The following PHYHD1 variants were observed in gnomAD, a reference collection of about 807,000 sequenced individuals.
PHYHD1 encodes the protein phytanoyl-CoA dioxygenase domain containing 1.
In PHYHD1, 42 loss-of-function variants were observed where a neutral mutation model predicts 43.6. The ratio of observed to expected loss-of-function variants is 0.96; its 90% CI spans 0.75 to 1.25. PHYHD1 has a LOEUF of 1.25. Ranked by LOEUF, PHYHD1 falls within the 50% of genes most tolerant of loss-of-function variation. The pLI, the probability that PHYHD1 is intolerant of heterozygous loss-of-function variation, is 0.00. For synonymous variants in PHYHD1, 139 were observed against 143.6 expected, an observed-to-expected ratio of 0.97 and a Z score of 0.23; for missense variants, 342 against 370.8, an observed-to-expected ratio of 0.92 and a Z score of 0.64.
chr9:128,933,485 A>G (rs538466812), intron 4 of PHYHD1, among the ~76,000 whole-genome samples: 1 of 152,192 alleles, frequency 6.6e-6, no homozygotes, highest in South Asian at 2.1e-4. Flanking sequence ...TCTTGGTGAC[A>G]TAAAACCAGG....
Position 128,941,684 on chromosome 9 carries a change from G to A in PHYHD1, c.847G>A (p.Glu283Lys), listed in dbSNP as rs1348111569. Residue 283 changes from glutamate (E) to lysine (K), a missense_variant, in exon 13 of 13, where the codon GAA (glutamate) becomes AAA (lysine). Glu to Lys is a moderately conservative substitution (Grantham distance 56). Transcript: ENST00000372592. ...SPENWLQPTA[E>K]LPFPQLYT Reference sequence around the variant, plus strand: ...CCTCTGCAGGCTCCAGCCAACAGCTGAACTGCCCTTTCCCCAACTGTACAC... The same window carrying A: ...CCTCTGCAGGCTCCAGCCAACAGCTAAACTGCCCTTTCCCCAACTGTACAC... 2 of 1,614,060 alleles carry A rather than the reference G, an allele frequency of 1.2e-6. No homozygotes were observed. The highest frequency in any genetic ancestry group is 2.7e-5 in the African/African-American group (2 of 74,938).
At chr9:128,937,712 C>A in intron 8 of PHYHD1, 45 bp from the exon 9 acceptor site, 1 of 1,612,362 alleles carries the variant, frequency 6.2e-7, no homozygotes, top group Non-Finnish European at 8.5e-7. Context: ...CCCAGCTCCT[C>A]TCTGCTCTCT....
At chr9:128,929,169 A>C (rs552631754) in intron 4 of PHYHD1, among the ~76,000 whole-genome samples, 2 of 152,084 alleles carry the variant, frequency 1.3e-5, no homozygotes, top group Non-Finnish European at 2.9e-5. Context: ...CTCTACAAAA[A>C]AATTTTTTTA....
At chr9:128,922,119 G>C in intron 2 of PHYHD1, 72 bp downstream of exon 2, 1 of 578,000 alleles carries the variant, frequency 1.7e-6, no homozygotes, top group South Asian at 2.4e-5. Context: ...AGATGGGAAA[G>C]GGCAAATCCT....
intron 6 of PHYHD1, among the ~76,000 whole-genome samples, chr9:128,935,297 T>C (rs978789314): frequency 6.6e-6 from 1 of 152,142 alleles, no homozygotes; most frequent in Non-Finnish European, 1.5e-5. Context: ...CATGGTAAGC[T>C]TGTAGACAAG....
intron 4 of PHYHD1, among the ~76,000 whole-genome samples, chr9:128,932,186 T>TA (rs1295550734): frequency 1.0e-4 from 14 of 135,398 alleles, no homozygotes; most frequent in African/African-American, 3.6e-4. Context: ...TTATTATTAT[T>TA]TTTTTTTTTT....
intron 11 of PHYHD1, 134 bp from the exon 12 acceptor site, chr9:128,941,311 A>C: frequency 1.6e-6 from 2 of 1,222,260 alleles, no homozygotes; most frequent in Non-Finnish European, 2.3e-6. Context: ...CAGATGCCTG[A>C]GCTTTCAGGG....
chr9:128,939,590 A>AAT (rs1554826233), intron 9 of PHYHD1, among the ~76,000 whole-genome samples: 2 of 120,194 alleles, frequency 1.7e-5, no homozygotes, highest in African/African-American at 5.5e-5. Flanking sequence ...AAAAAAAAAA[A>AAT]AATAATAATA....
At chr9:128,938,507 C>T (rs1430232727) in intron 9 of PHYHD1, among the ~76,000 whole-genome samples, 1 of 152,038 alleles carries the variant, frequency 6.6e-6, no homozygotes, top group Non-Finnish European at 1.5e-5. Flanking sequence ...CTACAACTTC[C>T]GCCTCTCCGG....
At chr9:128,934,324 T>C (rs1045682312) in intron 6 of PHYHD1, among the ~76,000 whole-genome samples, 3 of 150,420 alleles carry the variant, frequency 2.0e-5, no homozygotes, top group African/African-American at 7.4e-5. Flanking sequence ...GGGAGGCGGA[T>C]GTTGCAGTGA....
At chr9:128,923,855 C>T (rs1172614092) in intron 3 of PHYHD1, among the ~76,000 whole-genome samples, 1 of 152,098 alleles carries the variant, frequency 6.6e-6, no homozygotes, top group African/African-American at 2.4e-5. Flanking sequence ...CGGTGGCTCA[C>T]CTCTGTAATC....
At chr9:128,933,240 G>A (rs997518950) in intron 4 of PHYHD1, among the ~76,000 whole-genome samples, 3 of 138,102 alleles carry the variant, frequency 2.2e-5, no homozygotes, top group East Asian at 2.2e-4. Flanking sequence ...TGCAACCTCC[G>A]CCTCCCATGT....
chr9:128,939,381 C>T (rs1841499423), intron 9 of PHYHD1, among the ~76,000 whole-genome samples: 1 of 125,838 alleles, frequency 7.9e-6, no homozygotes, highest in Non-Finnish European at 1.8e-5. Context: ...GAGTTTGAGA[C>T]CAGCCTGGCT....
chr9:128,935,384 G>A (rs1365453289), intron 6 of PHYHD1, among the ~76,000 whole-genome samples: 1 of 151,920 alleles, frequency 6.6e-6, no homozygotes, highest in Non-Finnish European at 1.5e-5. Context: ...CAGCACTTTG[G>A]GAGGCTGAGG....
At position 128,940,677 on chromosome 9, in the gene PHYHD1, G is replaced by A. The variant is rs1270742452; in HGVS notation, c.665G>A (p.Arg222Gln). ...GTSFLGSEPA[R>Q]DNSLFVPTPV... ...AGCTTCCTTGGGTCAGAGCCAGCCC[G>A]GGATAACAGCCTCTTTGTGCCCACC... is the stretch of plus-strand genomic sequence containing the variant. Residue 222 changes from arginine to glutamine, a missense_variant, in exon 11 of 13, where the codon CGG becomes CAG. Physicochemically the swap from Arg to Gln is conservative, Grantham distance 43. Coordinates refer to ENST00000372592, the MANE Select transcript of PHYHD1 (RefSeq NM_001100876.2). 14 of 1,613,848 alleles carry A rather than the reference G, an allele frequency of 8.7e-6. No individual in the cohort carries two copies. The highest frequency in any genetic ancestry group is 4.0e-5 in the African/African-American group (3 of 74,912).
At position 128,934,805 on chromosome 9, in the gene PHYHD1, A is replaced by G. The variant is rs188919627; in HGVS notation, c.316+747A>G. On this transcript the variant is annotated intron_variant, in intron 6 of 12. Transcript: ENST00000372592. ...AAAGCAAACAAGAAAGAAAGCCCAT[A>G]GTAAATTAGTGGTCGGGTAAATGGC... Among the ~76,000 whole-genome samples the G allele has an allele frequency of 9.2e-5, 14 of 151,374 alleles. No homozygotes were observed. The East Asian group carries it at 2.7e-3, about 29-fold the overall frequency.
chr9:128,940,351 C>T lies in PHYHD1; in HGVS notation c.458-18C>T, dbSNP rs1047192802. The T allele has an allele frequency of 5.0e-6, 8 of 1,613,654 alleles. No homozygotes were observed. The highest frequency in any genetic ancestry group is 1.1e-5 in the South Asian group (1 of 91,060). ...CAGGCAAAAGGATGAGCTCCTCACCCCCCGTGGGCCTGCTTAGTCTCCCCT... is the reference window on the plus strand; with the variant it reads ...CAGGCAAAAGGATGAGCTCCTCACCTCCCGTGGGCCTGCTTAGTCTCCCCT... On this transcript the variant is annotated intron_variant, in intron 9 of 12. Transcript: ENST00000372592.
chr9:128,924,697 G>A (rs1181744262), intron 3 of PHYHD1, among the ~76,000 whole-genome samples: 1 of 151,938 alleles, frequency 6.6e-6, no homozygotes, highest in Admixed American at 6.6e-5. Flanking sequence ...CATTTTGGGA[G>A]TCCGAAGTGA....
chr9:128,929,155 C>G (rs1841210027), intron 4 of PHYHD1, among the ~76,000 whole-genome samples: 1 of 152,034 alleles, frequency 6.6e-6, no homozygotes, highest in Non-Finnish European at 1.5e-5. Flanking sequence ...AAAGTGAGAC[C>G]TGTCTCTACA....
Sources: gnomAD v4.1 joint callset for allele counts (sites outside exome capture counted in the v4.1 genomes callset) on GRCh38, gnomAD v4.1.1 for gene constraint, MANE v1.5 for transcripts, NCBI Gene and HGNC (gene_info 2026-07-23, HGNC 2026-07-21) for gene names.